Variants in CNTN5 observed in about 807,000 individuals in gnomAD.
The protein encoded by CNTN5 is contactin-5.
In CNTN5, 77 loss-of-function variants were observed where a neutral mutation model predicts 129.1. That is an observed-to-expected ratio of 0.60 (90% CI 0.50 to 0.72). The LOEUF (loss-of-function observed/expected upper bound fraction) is 0.72, where lower values mean the gene tolerates loss of function less well. CNTN5 is among the 30% of genes least tolerant of loss of function. The pLI is 0.00. For synonymous variants in CNTN5, 509 were observed against 465.6 expected (o/e 1.09, Z -1.20); for missense variants, 1,478 against 1,328.8 (o/e 1.11, Z -1.75).
intron 13 of CNTN5, among the ~76,000 whole-genome samples, chr11:100,134,841 G>A (rs1195379187): frequency 1.3e-5 from 2 of 152,128 alleles, no homozygotes; most frequent in African/African-American, 4.8e-5. Flanking sequence ...CCCTGTCTCT[G>A]TATTTCAGTT....
chr11:99,494,600 A>G (rs893380529), intron 2 of CNTN5, among the ~76,000 whole-genome samples: 3 of 152,182 alleles, frequency 2.0e-5, no homozygotes, highest in Admixed American at 2.0e-4. Context: ...TCTGGAAATA[A>G]AAGTTTTACA....
chr11:99,582,314 T>C (rs546852213), intron 3 of CNTN5, among the ~76,000 whole-genome samples: 2 of 152,322 alleles, frequency 1.3e-5, no homozygotes, highest in African/African-American at 4.8e-5. Context: ...TTGGAGTTGC[T>C]CTTCTCGAGG....
intron 3 of CNTN5, among the ~76,000 whole-genome samples, chr11:99,587,544 G>A (rs1949837653): frequency 6.6e-6 from 1 of 152,100 alleles, no homozygotes; most frequent in Non-Finnish European, 1.5e-5. Context: ...TTTTCTTCTG[G>A]TAATCTGCCC....
chr11:99,801,986 A>T (rs1946128115), intron 3 of CNTN5, among the ~76,000 whole-genome samples: 1 of 152,170 alleles, frequency 6.6e-6, no homozygotes, highest in Non-Finnish European at 1.5e-5. Flanking sequence ...ATTCCTTCTC[A>T]TCTGGAGATA....
At chr11:99,078,960 G>A (rs1036393276) in intron 1 of CNTN5, among the ~76,000 whole-genome samples, 1 of 152,034 alleles carries the variant, frequency 6.6e-6, no homozygotes, top group African/African-American at 2.4e-5. Flanking sequence ...AATGTCCATA[G>A]CACAAAAAAT....
At chr11:100,191,376 T>C (rs936371647) in intron 14 of CNTN5, 123 bp downstream of exon 14, 51 of 708,366 alleles carry the variant, frequency 7.2e-5, no homozygotes, top group Non-Finnish European at 9.9e-5. Context: ...GTTTATAAAA[T>C]ACATTGCAAA....
chr11:100,278,092 G>T (rs552326699), intron 18 of CNTN5, among the ~76,000 whole-genome samples: 7 of 152,082 alleles, frequency 4.6e-5, no homozygotes, highest in African/African-American at 1.4e-4. Flanking sequence ...TATGTTCTGA[G>T]AATTTTTATT....
chr11:99,246,585 G>A (rs1861826822), intron 1 of CNTN5, among the ~76,000 whole-genome samples: 1 of 152,180 alleles, frequency 6.6e-6, no homozygotes, highest in Non-Finnish European at 1.5e-5. Context: ...AAGGCTATGT[G>A]CAGGATGATT....
intron 8 of CNTN5, among the ~76,000 whole-genome samples, chr11:99,963,793 T>A (rs1042552696): frequency 7.2e-5 from 11 of 152,216 alleles, no homozygotes; most frequent in Non-Finnish European, 1.2e-4. Flanking sequence ...CCCATGAGCA[T>A]GGAATGTTCT....
intron 9 of CNTN5, among the ~76,000 whole-genome samples, chr11:100,035,598 G>T (rs1350459177): frequency 7.0e-6 from 1 of 141,884 alleles, no homozygotes; most frequent in Non-Finnish European, 1.5e-5. Context: ...CAGTGTAAAA[G>T]TGTTCCTATT....
chr11:99,981,476 C>T lies in CNTN5; in HGVS notation c.878-20558C>T, dbSNP rs569354176. The stretch of plus-strand genomic sequence containing the variant: ...AAGCCAATTGAATGGTGCCTGCCTA[C>T]ACTGAGGGTGGATCTTTCCCACCTA... On this transcript the variant is annotated intron_variant, in intron 8 of 24. Coordinates refer to ENST00000524871, the MANE Select transcript of CNTN5 (RefSeq NM_014361.4). 7.2e-5 allele frequency among the ~76,000 whole-genome samples: 11 copies of T among 152,252 alleles called. No individual in the cohort carries two copies. In the East Asian group the frequency reaches 2.1e-3, roughly 30 times the overall value.
intron 6 of CNTN5, among the ~76,000 whole-genome samples, chr11:99,910,045 T>C (rs2135987198): frequency 6.6e-6 from 1 of 152,242 alleles, no homozygotes; most frequent in Admixed American, 6.6e-5. Flanking sequence ...ATTAAAAACA[T>C]TGTAAACCAA....
At chr11:99,782,374 A>C (rs1945343316) in intron 3 of CNTN5, among the ~76,000 whole-genome samples, 1 of 149,762 alleles carries the variant, frequency 6.7e-6, no homozygotes, top group Non-Finnish European at 1.5e-5. Context: ...GGTAGGAAGA[A>C]TCAATATCGT....
At chr11:100,231,387 T>C (rs1015794918) in intron 16 of CNTN5, among the ~76,000 whole-genome samples, 1 of 152,106 alleles carries the variant, frequency 6.6e-6, no homozygotes, top group African/African-American at 2.4e-5. Flanking sequence ...GTGTATATAT[T>C]CAAAAGATAG....
At chr11:99,144,702 A>G (rs1859690869) in intron 1 of CNTN5, among the ~76,000 whole-genome samples, 1 of 151,542 alleles carries the variant, frequency 6.6e-6, no homozygotes, top group African/African-American at 2.4e-5. Context: ...AATATACTTT[A>G]TTGTTGAAGC....
At chr11:100,207,203 G>C (rs1462267238) in intron 15 of CNTN5, among the ~76,000 whole-genome samples, 2 of 152,066 alleles carry the variant, frequency 1.3e-5, no homozygotes, top group African/African-American at 4.8e-5. Flanking sequence ...ATACTGATGA[G>C]AGAAATAAAC....
intron 3 of CNTN5, among the ~76,000 whole-genome samples, chr11:99,563,159 G>A (rs1362204419): frequency 6.6e-6 from 1 of 152,192 alleles, no homozygotes; most frequent in African/African-American, 2.4e-5. Flanking sequence ...CAGAAAGAGA[G>A]TGGTCAGCAG....
At chr11:99,825,427 T>C (rs1234934086) in intron 4 of CNTN5, among the ~76,000 whole-genome samples, 3 of 152,068 alleles carry the variant, frequency 2.0e-5, no homozygotes, top group Admixed American at 2.0e-4. Flanking sequence ...CTTTAGTGTT[T>C]TCTCTTTTAC....
At chr11:99,641,425 G>T (rs574725957) in intron 3 of CNTN5, among the ~76,000 whole-genome samples, 1 of 151,882 alleles carries the variant, frequency 6.6e-6, no homozygotes, top group South Asian at 2.1e-4. Context: ...CTCCCGGCCT[G>T]GTTCTCAAAG....
Sources: gnomAD v4.1 joint callset for allele counts (sites outside exome capture counted in the v4.1 genomes callset) on GRCh38, gnomAD v4.1.1 for gene constraint, MANE v1.5 for transcripts, NCBI Gene and HGNC (gene_info 2026-07-23, HGNC 2026-07-21) for gene names.